The following HEATR5A variants were observed in gnomAD, a reference collection of about 807,000 sequenced individuals.
The protein encoded by HEATR5A is HEAT repeat-containing protein 5A.
A neutral mutation model predicts 218.8 loss-of-function variants in HEATR5A; 178 were observed. The ratio of observed to expected loss-of-function variants is 0.81; its 90% CI spans 0.72 to 0.92. The LOEUF is 0.92. HEATR5A is among the 40% of genes least tolerant of loss of function. The pLI is 0.00. For synonymous variants in HEATR5A, 864 were observed against 871.6 expected, an observed-to-expected ratio of 0.99 and a Z score of 0.15; for missense variants, 2,420 against 2,418.9, an observed-to-expected ratio of 1.00 and a Z score of -0.01.
At chr14:31,380,414 A>G (rs761751579) in intron 11 of HEATR5A, 53 bp downstream of exon 11, 3 of 1,093,666 alleles carry the variant, frequency 2.7e-6, no homozygotes, top group Non-Finnish European at 4.1e-6. Flanking sequence ...GAATCATTTC[A>G]CTCAGAAAAC....
intron 33 of HEATR5A, 157 bp downstream of exon 33, chr14:31,302,138 C>G: frequency 3.3e-6 from 2 of 615,144 alleles, no homozygotes; most frequent in Non-Finnish European, 5.7e-6. Flanking sequence ...GGCCAATTTT[C>G]TATCTACTTA....
intron 24 of HEATR5A, among the ~76,000 whole-genome samples, chr14:31,322,434 A>G (rs1900136564): frequency 6.6e-6 from 1 of 152,216 alleles, no homozygotes; most frequent in African/African-American, 2.4e-5. Flanking sequence ...TAATTAAACC[A>G]GAGATACCTA....
chr14:31,395,117 G>T, intron 5 of HEATR5A, 82 bp downstream of exon 5: 1 of 904,742 alleles, frequency 1.1e-6, no homozygotes, highest in Non-Finnish European at 1.6e-6. Context: ...AGATCATGTA[G>T]CTTTTACTAA....
chr14:31,413,896 G>A (rs1312589792), intron 1 of HEATR5A, among the ~76,000 whole-genome samples: 1 of 152,090 alleles, frequency 6.6e-6, no homozygotes, highest in African/African-American at 2.4e-5. Flanking sequence ...TATTGCCATA[G>A]CTGGTGAAGC....
At chr14:31,416,265 G>A (rs751936222) in intron 1 of HEATR5A, among the ~76,000 whole-genome samples, 3 of 151,900 alleles carry the variant, frequency 2.0e-5, no homozygotes, top group Admixed American at 1.3e-4. Context: ...TACAGGCACC[G>A]GCCACCACGC....
At chr14:31,369,004 CAG>C (rs1338335658) in intron 13 of HEATR5A, among the ~76,000 whole-genome samples, 1 of 152,030 alleles carries the variant, frequency 6.6e-6, no homozygotes, top group African/African-American at 2.4e-5. Flanking sequence ...AGAATAGTCT[CAG>C]AAATATGTAG....
intron 13 of HEATR5A, among the ~76,000 whole-genome samples, chr14:31,369,608 C>CA (rs71430951): frequency 0.33 from 14,969 of 45,194 alleles, 4,632 homozygotes; most frequent in South Asian, 0.42. Context: ...AAAACTGTCT[C>CA]AAAAAAAAAA....
At chr14:31,301,246 A>G (rs1267857808) in intron 33 of HEATR5A, among the ~76,000 whole-genome samples, 1 of 152,124 alleles carries the variant, frequency 6.6e-6, no homozygotes, top group East Asian at 1.9e-4. Context: ...AAAAAGAGAA[A>G]CAAGTTTTTT....
At chr14:31,397,799 C>T (rs909128056) in intron 4 of HEATR5A, among the ~76,000 whole-genome samples, 4 of 152,110 alleles carry the variant, frequency 2.6e-5, no homozygotes, top group Admixed American at 2.0e-4. Context: ...GCTAGAACTA[C>T]AGGTGTTCAC....
Position 31,308,036 on chromosome 14 carries a change from AAAG to A in HEATR5A, c.4691-19_4691-17del, listed in dbSNP as rs1899611205. 5 of 1,586,700 alleles carry A rather than the reference AAAG, an allele frequency of 3.2e-6. No individual in the cohort carries two copies. The highest frequency in any genetic ancestry group is 4.3e-6 in the Non-Finnish European group (5 of 1,170,806). On this transcript the variant is annotated splice_polypyrimidine_tract_variant and intron_variant, in intron 29 of 35. Coordinates refer to ENST00000543095, the MANE Select transcript of HEATR5A (RefSeq NM_015473.4). ...ACGCTGATTCCTGTGGAAAGCAAAAAAAGAGGAGGAGGCTTCTTTCAAATTATT... is the reference window on the plus strand; with the variant it reads ...ACGCTGATTCCTGTGGAAAGCAAAAAAGGAGGAGGCTTCTTTCAAATTATT...
chr14:31,372,690 G>A (rs1029095270), intron 12 of HEATR5A, among the ~76,000 whole-genome samples: 1 of 152,064 alleles, frequency 6.6e-6, no homozygotes, highest in Non-Finnish European at 1.5e-5. Flanking sequence ...AGCTGAGCAT[G>A]GTGGCGCATG....
chr14:31,371,703 T>A, intron 13 of HEATR5A, 107 bp downstream of exon 13: 1 of 457,696 alleles, frequency 2.2e-6, no homozygotes, highest in Non-Finnish European at 3.9e-6. Flanking sequence ...CTGATTGCCT[T>A]CCTCCATAAA....
intron 21 of HEATR5A, among the ~76,000 whole-genome samples, chr14:31,339,449 CAAAAAAAAAAA>C (rs55998911): frequency 6.5e-4 from 44 of 67,478 alleles, no homozygotes; most frequent in African/African-American, 2.2e-3. Context: ...AACTGTGTCT[CAAAAAAAAAAA>C]AAAAAAAAAA....
intron 25 of HEATR5A, among the ~76,000 whole-genome samples, chr14:31,318,646 G>C (rs1347238405): frequency 6.6e-6 from 1 of 151,924 alleles, no homozygotes; most frequent in African/African-American, 2.4e-5. Flanking sequence ...GCCTGCCACC[G>C]CAACCAGCTA....
intron 13 of HEATR5A, among the ~76,000 whole-genome samples, chr14:31,369,077 G>A (rs781111680): frequency 8.6e-5 from 13 of 150,544 alleles, no homozygotes; most frequent in Non-Finnish European, 1.5e-4. Flanking sequence ...CAGGAACATC[G>A]CTTGAGCCTG....
chr14:31,382,034 A>G (rs746473722), intron 10 of HEATR5A, among the ~76,000 whole-genome samples: 2 of 152,338 alleles, frequency 1.3e-5, no homozygotes, highest in Non-Finnish European at 2.9e-5. Flanking sequence ...CAGCTCATAC[A>G]GTCAATGGAT....
chr14:31,316,385 C>T (rs1490371925), intron 26 of HEATR5A, among the ~76,000 whole-genome samples: 1 of 152,096 alleles, frequency 6.6e-6, no homozygotes, highest in Non-Finnish European at 1.5e-5. Context: ...AGAATCTAGT[C>T]ACTGAGACTA....
In HEATR5A at chr14:31,360,414, G is replaced by A. The variant is rs146897073; in HGVS notation, c.2072-1357C>T. 2.5e-4 allele frequency among the ~76,000 whole-genome samples: 38 copies of A among 152,196 alleles called. No homozygotes were observed. The East Asian group carries it at 6.8e-3, about 27-fold the overall frequency. Reference sequence around the variant, plus strand: ...TTTGCTTTTGGTGATGGGCAGGGTGGGGTGCAGGTTAGTTCATAAGTGGTA... The same window carrying A: ...TTTGCTTTTGGTGATGGGCAGGGTGAGGTGCAGGTTAGTTCATAAGTGGTA... On this transcript the variant is annotated intron_variant, in intron 14 of 35. Transcript: ENST00000543095.
intron 4 of HEATR5A, among the ~76,000 whole-genome samples, chr14:31,396,614 T>C (rs958433923): frequency 4.6e-5 from 7 of 152,248 alleles, no homozygotes; most frequent in Non-Finnish European, 1.0e-4. Flanking sequence ...TGTTAATTTA[T>C]CTTTGTTTAA....
Sources: gnomAD v4.1 joint callset for allele counts (sites outside exome capture counted in the v4.1 genomes callset) on GRCh38, gnomAD v4.1.1 for gene constraint, MANE v1.5 for transcripts, NCBI Gene and HGNC (gene_info 2026-07-23, HGNC 2026-07-21) for gene names.